Variants in ANK3 observed in about 807,000 individuals in gnomAD.
The protein encoded by ANK3 is ankyrin 3.
A neutral mutation model predicts 370.9 loss-of-function variants in ANK3; 57 were observed. That is an observed-to-expected ratio of 0.15 (90% CI 0.12 to 0.19). The LOEUF is 0.19. Among genes scored for constraint, ANK3 ranks in the 10% least tolerant of loss-of-function variants. ANK3 has a pLI of 1.00. For synonymous variants in ANK3, 1,929 were observed against 1,946.3 expected (o/e 0.99, Z 0.23); for missense variants, 4,439 against 5,302.1 (o/e 0.84, Z 5.06).
intron 1 of ANK3, among the ~76,000 whole-genome samples, chr10:60,718,951 C>A (rs1265297807): frequency 6.6e-6 from 1 of 152,086 alleles, no homozygotes; most frequent in Non-Finnish European, 1.5e-5. Context: ...TATTACAAAA[C>A]ACATGCTTAT....
intron 18 of ANK3, among the ~76,000 whole-genome samples, chr10:60,177,941 A>G (rs1482327030): frequency 6.6e-6 from 1 of 152,114 alleles, no homozygotes; most frequent in African/African-American, 2.4e-5. Context: ...CTCATCTGCC[A>G]CTTAGTTCAG....
chr10:60,354,022 G>C (rs1177982188), intron 1 of ANK3, among the ~76,000 whole-genome samples: 1 of 152,184 alleles, frequency 6.6e-6, no homozygotes, highest in African/African-American at 2.4e-5. Flanking sequence ...GTTGCCTCCT[G>C]CACAGCATTG....
At chr10:60,530,319 G>C (rs1420167836) in intron 2 of ANK3, among the ~76,000 whole-genome samples, 1 of 152,032 alleles carries the variant, frequency 6.6e-6, no homozygotes, top group Non-Finnish European at 1.5e-5. Flanking sequence ...GATTATGACT[G>C]TTCTACATAA....
chr10:60,466,302 T>A (rs2065010676), intron 2 of ANK3, among the ~76,000 whole-genome samples: 2 of 152,252 alleles, frequency 1.3e-5, no homozygotes, highest in Admixed American at 6.5e-5. Flanking sequence ...TGGATCAGGA[T>A]AAGAGGTGTT....
At chr10:60,572,471 T>C in intron 2 of ANK3, 2 of 1,535,918 alleles carry the variant, frequency 1.3e-6, no homozygotes, top group South Asian at 1.2e-5. Flanking sequence ...TTACCTTTTT[T>C]CCTTTCCTTT....
At chr10:60,702,076 T>G (rs992427404) in intron 1 of ANK3, among the ~76,000 whole-genome samples, 11 of 151,984 alleles carry the variant, frequency 7.2e-5, no homozygotes, top group African/African-American at 2.7e-4. Flanking sequence ...CTGGCCAACA[T>G]AGTGAGTCTC....
chr10:60,384,723 C>A (rs997637592), intron 1 of ANK3, among the ~76,000 whole-genome samples: 1 of 152,204 alleles, frequency 6.6e-6, no homozygotes, highest in African/African-American at 2.4e-5. Context: ...CAATGTAATA[C>A]CCTACCTAGT....
At chr10:60,466,791 G>A (rs915000868) in intron 2 of ANK3, among the ~76,000 whole-genome samples, 4 of 152,162 alleles carry the variant, frequency 2.6e-5, no homozygotes, top group African/African-American at 9.6e-5. Context: ...ATTATGCTAA[G>A]TGAAGGAAGC....
intron 26 of ANK3, among the ~76,000 whole-genome samples, chr10:60,112,237 T>G (rs2092766693): frequency 6.6e-6 from 1 of 151,830 alleles, no homozygotes; most frequent in Non-Finnish European, 1.5e-5. Flanking sequence ...GAATACAAAG[T>G]GATGGTTTCA....
At chr10:60,621,674 A>G (rs1198854016) in intron 1 of ANK3, among the ~76,000 whole-genome samples, 2 of 152,200 alleles carry the variant, frequency 1.3e-5, no homozygotes, top group African/African-American at 4.8e-5. Context: ...TAACACATTT[A>G]TTGTTAGCAA....
chr10:60,359,716 C>T (rs953476028), intron 1 of ANK3, among the ~76,000 whole-genome samples: 3 of 152,022 alleles, frequency 2.0e-5, no homozygotes, highest in Admixed American at 6.5e-5. Flanking sequence ...GCAGGAGGAT[C>T]GCTTGAGCAC....
intron 2 of ANK3, among the ~76,000 whole-genome samples, chr10:60,533,752 A>G (rs1015824993): frequency 6.6e-6 from 1 of 152,148 alleles, no homozygotes; most frequent in East Asian, 1.9e-4. Context: ...GAAGAAAGTT[A>G]AGGAAGAATA....
Position 60,069,721 on chromosome 10 carries a change from C to T in ANK3, c.11160G>A (p.Thr3720=), listed in dbSNP as rs543734157. The T allele has an allele frequency of 2.2e-5, 36 of 1,613,650 alleles. No individual in the cohort carries two copies. Among genetic ancestry groups the T allele is most frequent in the Admixed American group, 1.7e-4 (10 of 59,922 alleles). ...ATGCAGAAATTCCCATTTTTATAGG[C>T]GTGCGCAACTTGGGGTCAACTTTAG... The part of the protein sequence containing the change: ...NTSKVDPKLR[T]PIKMGISAST... Residue 3720 remains threonine (T), a synonymous_variant, in exon 37 of 44, where the codon ACG becomes ACA. Coordinates refer to ENST00000280772, the MANE Select transcript of ANK3 (RefSeq NM_020987.5).
chr10:60,082,155 C>A lies in ANK3; in HGVS notation c.4345G>T (p.Asp1449Tyr). The A allele has an allele frequency of 6.2e-7, 1 of 1,610,256 alleles. No homozygotes were observed. Among genetic ancestry groups the A allele is most frequent in the South Asian group, 1.1e-5 (1 of 90,760 alleles). Residue 1449 changes from aspartate to tyrosine, a missense_variant, in exon 35 of 44, where the codon GAT (aspartate) becomes TAT (tyrosine). Physicochemically the swap from Asp to Tyr is radical, Grantham distance 160. Transcript: ENST00000280772. Reference protein sequence around the residue: ...HKKETESDQDDEIEKTDRRQS... With the variant: ...HKKETESDQDYEIEKTDRRQS... ...AGCAGAAGTGTTTATATTACCTCAT[C>A]ATCTTGATCTGACTCTGTCTCCTTT...
At chr10:60,392,040 G>T (rs1429533128), upstream of ANK3, among the ~76,000 whole-genome samples, 3 of 152,150 alleles carry the variant, frequency 2.0e-5, no homozygotes, top group Non-Finnish European at 4.4e-5. Flanking sequence ...ACTCTACTAA[G>T]AAAGGCAGCC....
rs2133367998 is a variant in ANK3 at position 60,656,853 on chromosome 10, G to A, written c.58-41629C>T. Reference sequence around the variant, plus strand: ...ACTCACTGCAGCCTTGATCTCCTGGGCTCAAGAAATCCCCCTGCTTCAGCC... The same window carrying A: ...ACTCACTGCAGCCTTGATCTCCTGGACTCAAGAAATCCCCCTGCTTCAGCC... On this transcript the variant is annotated intron_variant, in intron 1 of 43. Coordinates refer to the ANK3 transcript ENST00000373827. Among the ~76,000 whole-genome samples, 3 of 152,120 alleles carry A rather than the reference G, an allele frequency of 2.0e-5. No homozygotes were observed. The South Asian group carries it at 6.2e-4, about 32-fold the overall frequency.
intron 2 of ANK3, among the ~76,000 whole-genome samples, chr10:60,432,682 G>C (rs1486710975): frequency 1.3e-5 from 2 of 152,132 alleles, no homozygotes; most frequent in African/African-American, 4.8e-5. Context: ...ACAAACATGA[G>C]GCCAAATATT....
chr10:60,049,874 G>A (rs560532081), intron 42 of ANK3, among the ~76,000 whole-genome samples: 4 of 151,938 alleles, frequency 2.6e-5, no homozygotes, highest in Non-Finnish European at 5.9e-5. Flanking sequence ...CTTTATCCCC[G>A]CCTTCCACTT....
intron 2 of ANK3, among the ~76,000 whole-genome samples, chr10:60,489,100 T>C (rs558418613): frequency 6.6e-6 from 1 of 152,334 alleles, no homozygotes; most frequent in African/African-American, 2.4e-5. Flanking sequence ...ACAATGACCA[T>C]AGTCCATAGT....
Sources: gnomAD v4.1 joint callset for allele counts (sites outside exome capture counted in the v4.1 genomes callset) on GRCh38, gnomAD v4.1.1 for gene constraint, MANE v1.5 for transcripts, NCBI Gene and HGNC (gene_info 2026-07-23, HGNC 2026-07-21) for gene names.